Variants in CAMTA1 observed in about 807,000 individuals in gnomAD.
The protein encoded by CAMTA1 is calmodulin binding transcription activator 1.
In CAMTA1, 27 loss-of-function variants were observed where a neutral mutation model predicts 170.9. The observed-to-expected ratio is 0.16, with a 90% CI of 0.12 to 0.22. CAMTA1 has a LOEUF of 0.22. CAMTA1 is among the 10% of genes least tolerant of loss of function. The pLI is 1.00. For synonymous variants in CAMTA1, 833 were observed against 891.5 expected (o/e 0.93, Z 1.17); for missense variants, 1,619 against 2,217.2 (o/e 0.73, Z 5.42).
In CAMTA1 at chr1:7,768,289, T is replaced by C. The variant is rs902503748; in HGVS notation, c.*1798T>C. The C allele has an allele frequency of 1.3e-5, 2 of 152,640 alleles. No individual in the cohort carries two copies. Among genetic ancestry groups the C allele is most frequent in the Non-Finnish European group, 2.9e-5 (2 of 68,020 alleles). 9.5% of individuals were successfully genotyped at this position (152,640 alleles called of 1,614,324 possible). A position where few individuals can be genotyped will look rare whatever the true frequency, so the allele number is the denominator to read the frequency against. ...ATGGTATATTACTATTTCCACATAATGAGGAGCCAAAGAAATCTGATGTTT... is the reference window on the plus strand; with the variant it reads ...ATGGTATATTACTATTTCCACATAACGAGGAGCCAAAGAAATCTGATGTTT... On this transcript the variant is annotated 3_prime_UTR_variant, in exon 23 of 23. Transcript: ENST00000303635.
At chr1:7,031,955 CTTAT>C (rs375747945) in intron 3 of CAMTA1, among the ~76,000 whole-genome samples, 11 of 151,840 alleles carry the variant, frequency 7.2e-5, no homozygotes, top group East Asian at 1.9e-4. Flanking sequence ...CCCCTTTTCT[CTTAT>C]TTATTTATTT....
At chr1:7,598,635 G>GATT (rs1557979913) in intron 6 of CAMTA1, among the ~76,000 whole-genome samples, 25 of 152,100 alleles carry the variant, frequency 1.6e-4, no homozygotes, top group Non-Finnish European at 2.9e-4. Context: ...ATTCTAACTG[G>GATT]TGTGAGATGG....
In CAMTA1 at chr1:7,092,157, G is replaced by A. The variant is rs576242661; in HGVS notation, c.302+786G>A. Among the ~76,000 whole-genome samples, 2 of 152,316 alleles carry A rather than the reference G, an allele frequency of 1.3e-5. No homozygotes were observed. Among genetic ancestry groups the A allele is most frequent in the East Asian group, 1.9e-4 (1 of 5,188 alleles). On this transcript the variant is annotated intron_variant, in intron 4 of 22. Transcript: ENST00000303635. This position sits in a 1 kb window ranked among gnomAD's most constrained non-coding sequence, Gnocchi z 5.0. ...AGGACCCAGGTGTTTATTAGCTGGC[G>A]GGGTGGTAGCTGGAGTGTGGTTTAC...
In CAMTA1 at chr1:7,363,822, T is replaced by C. The variant is rs78480033; in HGVS notation, c.439-104008T>C. On this transcript the variant is annotated intron_variant, in intron 5 of 22. Transcript: ENST00000303635. Reference sequence around the variant, plus strand: ...GTGAGGGGTGTTTCTCCAATAAGCATTTGTAGATCTGCCCTCTACTAAACC... The same window carrying C: ...GTGAGGGGTGTTTCTCCAATAAGCACTTGTAGATCTGCCCTCTACTAAACC... Among the ~76,000 whole-genome samples the C allele has an allele frequency of 4.9e-4, 74 of 152,204 alleles. No homozygotes were observed. The East Asian group carries it at 0.014, about 29-fold the overall frequency.
At chr1:7,648,631 C>T (rs746324844) in intron 7 of CAMTA1, among the ~76,000 whole-genome samples, 2 of 152,130 alleles carry the variant, frequency 1.3e-5, no homozygotes, top group Admixed American at 6.5e-5. Flanking sequence ...GGAGTGAGCT[C>T]GGGCCCCCCA....
chr1:7,145,491 G>A (rs967617368), intron 4 of CAMTA1, among the ~76,000 whole-genome samples: 2 of 152,180 alleles, frequency 1.3e-5, no homozygotes, highest in Admixed American at 6.5e-5. Context: ...AATGGAAATC[G>A]AGACGGGAAG....
At chr1:6,904,367 G>A (rs1677806671) in intron 3 of CAMTA1, among the ~76,000 whole-genome samples, 1 of 152,098 alleles carries the variant, frequency 6.6e-6, no homozygotes, top group South Asian at 2.1e-4. Flanking sequence ...TCTGGTCCCT[G>A]CCCCTTTCAA....
intron 3 of CAMTA1, among the ~76,000 whole-genome samples, chr1:7,037,922 T>TTA (rs1427468365): frequency 6.6e-6 from 1 of 151,714 alleles, no homozygotes; most frequent in African/African-American, 2.4e-5. Flanking sequence ...TCTTTATTTT[T>TTA]TTTTTTTTTG....
Position 7,559,774 on chromosome 1 carries a change from T to G in CAMTA1, c.511-80626T>G, listed in dbSNP as rs182409909. Among the ~76,000 whole-genome samples, 44 of 152,110 alleles carry G rather than the reference T, an allele frequency of 2.9e-4. No homozygotes were observed. In the East Asian group the frequency reaches 7.8e-3, roughly 27 times the overall value. On this transcript the variant is annotated intron_variant, in intron 6 of 22. Coordinates refer to ENST00000303635, the MANE Select transcript of CAMTA1 (RefSeq NM_015215.4). The stretch of plus-strand genomic sequence containing the variant: ...GGATGCACCCCAGGATGCAACTGAT[T>G]GCACCCCGATGTCCTCTGAGCATCC...
At position 7,227,760 on chromosome 1, in the gene CAMTA1, G is replaced by A. The variant is rs900035638; in HGVS notation, c.303-21731G>A. Among the ~76,000 whole-genome samples, 6 of 152,204 alleles carry A rather than the reference G, an allele frequency of 3.9e-5. No homozygotes were observed. In the East Asian group the frequency reaches 1.2e-3, roughly 29 times the overall value. ...ATCCTGAGGAGTGACCAGTGACTGA[G>A]AAAACCTGGTAGTCTCTCTTGCTGC... On this transcript the variant is annotated intron_variant, in intron 4 of 22. Transcript: ENST00000303635.
At chr1:7,618,187 G>T (rs577027596) in intron 6 of CAMTA1, among the ~76,000 whole-genome samples, 1 of 152,132 alleles carries the variant, frequency 6.6e-6, no homozygotes, top group South Asian at 2.1e-4. Flanking sequence ...TCGACCCTGA[G>T]GACACTGACT....
At position 6,887,290 on chromosome 1, in the gene CAMTA1, C is replaced by G. The variant is rs1160341608; in HGVS notation, c.234+62080C>G. 6.6e-6 allele frequency among the ~76,000 whole-genome samples: 1 copy of G among 152,104 alleles called. No homozygotes were observed. The highest frequency in any genetic ancestry group is 1.5e-5 in the Non-Finnish European group (1 of 68,028). On this transcript the variant is annotated intron_variant, in intron 3 of 22. Coordinates refer to ENST00000303635, the MANE Select transcript of CAMTA1 (RefSeq NM_015215.4). This position sits in a 1 kb window ranked among gnomAD's most constrained non-coding sequence, Gnocchi z 4.1. ...ATCTGAGCCTTGATCTTCTTTGAAC[C>G]TTTAATTTTTTATTTGATCTTTTAA...
At chr1:7,172,824 G>A (rs552846467) in intron 4 of CAMTA1, among the ~76,000 whole-genome samples, 312 of 152,334 alleles carry the variant, frequency 2.0e-3, no homozygotes, top group African/African-American at 7.0e-3. Flanking sequence ...AGGGTGAGGC[G>A]TGAGGGGCAG....
In CAMTA1 at chr1:6,955,918, G is replaced by C. The variant is rs551677325; in HGVS notation, c.234+130708G>C. ...TCCTGTGCAAATCAATAACCCTTCA[G>C]GCAGCAGCAGGGAGGGAAGCATGCA... On this transcript the variant is annotated intron_variant, in intron 3 of 22. Transcript: ENST00000303635. Among the ~76,000 whole-genome samples the C allele has an allele frequency of 7.3e-4, 111 of 152,288 alleles. 1 individual carries two copies. The highest frequency in any genetic ancestry group is 3.4e-3 in the Middle Eastern group (1 of 294).
intron 4 of CAMTA1, among the ~76,000 whole-genome samples, chr1:7,156,158 C>T (rs1646872230): frequency 6.6e-6 from 1 of 151,210 alleles, no homozygotes; most frequent in Non-Finnish European, 1.5e-5. Flanking sequence ...CGTGTGATCC[C>T]AGGTACTTGG....
intron 6 of CAMTA1, among the ~76,000 whole-genome samples, chr1:7,555,565 A>G (rs748729820): frequency 3.3e-5 from 5 of 152,014 alleles, no homozygotes; most frequent in Admixed American, 6.6e-5. Flanking sequence ...AAGAATCACA[A>G]GCTTGGAACT....
At chr1:7,379,718 A>C (rs143097701) in intron 5 of CAMTA1, among the ~76,000 whole-genome samples, 1 of 152,228 alleles carries the variant, frequency 6.6e-6, no homozygotes, top group Admixed American at 6.5e-5. Flanking sequence ...GGCAGGCAGC[A>C]TTAAAAGGGG....
chr1:7,236,820 G>A (rs1401346562), intron 4 of CAMTA1, among the ~76,000 whole-genome samples: 6 of 152,114 alleles, frequency 3.9e-5, no homozygotes, highest in South Asian at 2.1e-4. Flanking sequence ...AGGCCATTCC[G>A]TGTTGGAAAG....
chr1:7,742,722 CCTTA>C (rs2096827600), intron 16 of CAMTA1, among the ~76,000 whole-genome samples: 1 of 152,166 alleles, frequency 6.6e-6, no homozygotes, highest in South Asian at 2.1e-4. Context: ...AGAAATTCCA[CCTTA>C]CTTTTAATAT....
Sources: gnomAD v4.1 joint callset for allele counts (sites outside exome capture counted in the v4.1 genomes callset) on GRCh38, gnomAD v4.1.1 for gene constraint, Gnocchi (gnomAD v3.1) non-coding constraint, MANE v1.5 for transcripts, NCBI Gene and HGNC (gene_info 2026-07-23, HGNC 2026-07-21) for gene names.